The following FAM153A variants were observed in gnomAD, a reference collection of about 807,000 sequenced individuals.
The protein encoded by FAM153A is protein FAM153A.
A neutral mutation model predicts 48.1 loss-of-function variants in FAM153A; 12 were observed. The observed-to-expected ratio is 0.25, with a 90% CI of 0.16 to 0.40. FAM153A has a LOEUF of 0.40. FAM153A is among the 10% of genes least tolerant of loss of function. FAM153A has a pLI of 1.00. For synonymous variants in FAM153A, 36 were observed against 118.2 expected (o/e 0.30, Z 4.51); for missense variants, 111 against 345.8 (o/e 0.32, Z 5.38).
downstream of FAM153A, among the ~76,000 whole-genome samples, chr5:177,704,673 TAGTG>T (rs1201713751): frequency 5.3e-5 from 8 of 151,842 alleles, 1 homozygote; most frequent in South Asian, 4.1e-4. Context: ...GTTCTCATGA[TAGTG>T]AGTGAGATCT....
At chr5:177,743,348 T>C (rs1331272533) in intron 6 of FAM153A, among the ~76,000 whole-genome samples, 2 of 80,738 alleles carry the variant, frequency 2.5e-5, no homozygotes, top group Non-Finnish European at 4.9e-5. Flanking sequence ...CCCTCCATCA[T>C]GCTAGGAAGG....
At chr5:177,703,340 T>C (rs1187495299), downstream of FAM153A, among the ~76,000 whole-genome samples, 1 of 151,990 alleles carries the variant, frequency 6.6e-6, no homozygotes, top group Non-Finnish European at 1.5e-5. Context: ...CCCTTTGTTT[T>C]GGTTGATTTC....
Position 177,737,682 on chromosome 5 carries a change from A to G in FAM153A, c.563-570T>C, listed in dbSNP as rs553118808. Reference sequence around the variant, plus strand: ...ATTATAGGCATGCATCACCATGCCCAGTTAATTCTGTATTTTTAGGAGAGA... The same window carrying G: ...ATTATAGGCATGCATCACCATGCCCGGTTAATTCTGTATTTTTAGGAGAGA... On this transcript the variant is annotated intron_variant, in intron 10 of 20. Transcript: ENST00000614127. Among the ~76,000 whole-genome samples, 1,116 of 150,140 alleles carry G rather than the reference A, an allele frequency of 7.4e-3. 16 individuals are homozygous for G. The highest frequency in any genetic ancestry group is 0.027 in the African/African-American group (1,059 of 39,558).
At chr5:177,698,803 A>T in the FAM153A span, among the ~76,000 whole-genome samples, 1 of 151,278 alleles carries the variant, frequency 6.6e-6, no homozygotes, top group Non-Finnish European at 1.5e-5. Flanking sequence ...GGACCACAGC[A>T]TGTGCCACCA....
At chr5:177,695,804 C>T in the FAM153A span, among the ~76,000 whole-genome samples, 9 of 151,698 alleles carry the variant, frequency 5.9e-5, no homozygotes, top group African/African-American at 9.7e-5. Context: ...CCAGATGGGG[C>T]GGCCGGGCAG....
chr5:177,707,085 A>G (rs1441067990), downstream of FAM153A, among the ~76,000 whole-genome samples: 1 of 151,944 alleles, frequency 6.6e-6, no homozygotes, highest in African/African-American at 2.4e-5. Flanking sequence ...GAGACAGACA[A>G]TAATAGCTGG....
At chr5:177,738,032 G>A (rs1295719266) in intron 10 of FAM153A, among the ~76,000 whole-genome samples, 2 of 151,422 alleles carry the variant, frequency 1.3e-5, no homozygotes, top group Non-Finnish European at 2.9e-5. Flanking sequence ...TGTGTGCCAC[G>A]GGACCTGCTG....
At chr5:177,701,225 C>T in the FAM153A span, among the ~76,000 whole-genome samples, 1 of 151,860 alleles carries the variant, frequency 6.6e-6, no homozygotes, top group Non-Finnish European at 1.5e-5. Context: ...GCTTCCTGTA[C>T]AGCCTGTAAA....
chr5:177,695,912 A>AT, the FAM153A span, among the ~76,000 whole-genome samples: 19 of 105,034 alleles, frequency 1.8e-4, no homozygotes, highest in African/African-American at 8.3e-4. Context: ...CTTCCCAGAC[A>AT]GGGTGGCCGG....
intron 6 of FAM153A, among the ~76,000 whole-genome samples, chr5:177,743,201 GTTTTGTTTT>G (rs1348441790): frequency 1.5e-4 from 13 of 86,480 alleles, no homozygotes; most frequent in Non-Finnish European, 1.9e-4. Context: ...TTTTTTTTTT[GTTTTGTTTT>G]TTTTTTTTTT....
chr5:177,705,885 C>T (rs1757840836), downstream of FAM153A, among the ~76,000 whole-genome samples: 1 of 151,406 alleles, frequency 6.6e-6, no homozygotes. Context: ...GTCTTGAACT[C>T]CTGACCTCGT....
At chr5:177,723,030 T>C (rs1385737753), downstream of FAM153A, 98 of 137,728 alleles carry the variant, frequency 7.1e-4, no homozygotes, top group Middle Eastern at 3.7e-3. Context: ...GCACGTTGAA[T>C]ATGCATAGCT....
chr5:177,701,976 C>T, the FAM153A span, among the ~76,000 whole-genome samples: 62 of 151,258 alleles, frequency 4.1e-4, no homozygotes, highest in Admixed American at 1.8e-3. Flanking sequence ...GGCGCAATCT[C>T]GGCTCACTGC....
intron 10 of FAM153A, among the ~76,000 whole-genome samples, chr5:177,737,512 C>T (rs1764860153): frequency 6.6e-6 from 1 of 151,134 alleles, no homozygotes; most frequent in Admixed American, 6.6e-5. Flanking sequence ...TTTGTCCCTC[C>T]TAGATTTATT....
chr5:177,707,444 AAAG>A (rs1336924423), downstream of FAM153A, among the ~76,000 whole-genome samples: 1 of 151,882 alleles, frequency 6.6e-6, no homozygotes. Flanking sequence ...CTTGGAAAAA[AAAG>A]GAAACGAGAG....
chr5:177,715,338 T>C (rs1166613401), intron 25 of FAM153A, among the ~76,000 whole-genome samples: 1 of 148,338 alleles, frequency 6.7e-6, no homozygotes, highest in African/African-American at 2.5e-5. Flanking sequence ...ATTTGCTTAA[T>C]ATGCAGCTTC....
rs571505540 is a variant in FAM153A at position 177,740,763 on chromosome 5, C to T, written c.466+14G>A. 9.1e-6 allele frequency: 6 copies of T among 661,428 alleles called. 2 individuals carry two copies. In the South Asian group the frequency reaches 1.3e-4, roughly 15 times the overall value. 41.0% of individuals were successfully genotyped at this position (661,428 alleles called of 1,614,324 possible). On this transcript the variant is annotated intron_variant, in intron 8 of 20. Coordinates refer to ENST00000614127, the Ensembl canonical transcript of FAM153A. The stretch of plus-strand genomic sequence containing the variant: ...AAATAAAAACAATAAAAAGAGTAAA[C>T]CCAGAATACATACCTTCTGATGGAA...
At position 177,731,524 on chromosome 5, in the gene FAM153A, C is replaced by T; in HGVS notation, c.862+45G>A. ...GTGAAGCAGCGCCACCTTTACAACA[C>T]TAAGATTTCAAACCTAAACAAAGAG... On this transcript the variant is annotated intron_variant, in intron 16 of 20. Coordinates refer to ENST00000614127, the Ensembl canonical transcript of FAM153A. 6.8e-6 allele frequency: 7 copies of T among 1,032,566 alleles called. 2 individuals carry two copies. Among genetic ancestry groups the T allele is most frequent in the Non-Finnish European group, 9.1e-6 (7 of 765,904 alleles). The allele number at this position is 1,032,566 out of a possible 1,614,324, so 64.0% of individuals were successfully genotyped here.
At chr5:177,754,935 C>G (rs1406138014), upstream of FAM153A, among the ~76,000 whole-genome samples, 1 of 151,886 alleles carries the variant, frequency 6.6e-6, no homozygotes, top group Non-Finnish European at 1.5e-5. Flanking sequence ...AGTGCCTCTC[C>G]TCCTCCAAAG....
Sources: allele counts gnomAD v4.1 joint callset (sites outside exome capture counted in the v4.1 genomes callset), GRCh38; gene constraint gnomAD v4.1.1; transcripts MANE v1.5; gene names NCBI Gene and HGNC (gene_info 2026-07-23, HGNC 2026-07-21).